VPS45: variants seen among roughly 807,000 people sequenced by gnomAD.
VPS45 encodes the protein vacuolar protein sorting-associated protein 45.
In VPS45, 35 loss-of-function variants were observed where a neutral mutation model predicts 75.9. The observed-to-expected ratio is 0.46, with a 90% CI of 0.35 to 0.61. The LOEUF (loss-of-function observed/expected upper bound fraction) is 0.61, where lower values mean the gene tolerates loss of function less well. Among genes scored for constraint, VPS45 ranks in the 20% least tolerant of loss-of-function variants. VPS45 has a pLI of 0.00. For synonymous variants in VPS45, 220 were observed against 238.2 expected (o/e 0.92, Z 0.70); for missense variants, 559 against 685.9 (o/e 0.81, Z 2.07).
In VPS45 at chr1:150,098,854, G is replaced by C. The variant is rs782410930; in HGVS notation, c.1493+5206G>C. ...AATTTTTTTTTCTCACTCTAGAATT[G>C]CCTCTTGTCTCTGATAAAGGCAAGC... On this transcript the variant is annotated intron_variant, in intron 13 of 14. Transcript: ENST00000644510. The C allele has an allele frequency of 2.4e-6, 3 of 1,274,688 alleles. No individual in the cohort carries two copies. In the South Asian group the frequency reaches 3.9e-5, roughly 16 times the overall value. The allele number at this position is 1,274,688 out of a possible 1,614,324, so 79.0% of individuals were successfully genotyped here. A position where few individuals can be genotyped will look rare whatever the true frequency, so the allele number is the denominator to read the frequency against.
At chr1:150,125,951 G>A (rs1658493357) in intron 14 of VPS45, among the ~76,000 whole-genome samples, 1 of 151,992 alleles carries the variant, frequency 6.6e-6, no homozygotes, top group South Asian at 2.1e-4. Flanking sequence ...CTCCCAAAGT[G>A]GTGGGATTAT....
At chr1:150,097,962 A>T (rs1490795222) in intron 13 of VPS45, among the ~76,000 whole-genome samples, 3 of 151,970 alleles carry the variant, frequency 2.0e-5, no homozygotes, top group Non-Finnish European at 4.4e-5. Context: ...AAGCCATCCC[A>T]CCTCATTCTC....
At chr1:150,095,470 T>C (rs1656570052) in intron 13 of VPS45, among the ~76,000 whole-genome samples, 1 of 152,066 alleles carries the variant, frequency 6.6e-6, no homozygotes, top group African/African-American at 2.4e-5. Context: ...AAAATTAGCC[T>C]GGCGTGGGTA....
In VPS45 at chr1:150,081,410, G is replaced by T. The variant is rs375831361; in HGVS notation, c.756G>T (p.Val252=). ...INNNRIDLSR[V]PGISKDLREV... Reference sequence around the variant, plus strand: ...ACAATCGGATTGATCTTTCCAGAGTGCCGGGAATCAGTAAAGACTTAAGAG... The same window carrying T: ...ACAATCGGATTGATCTTTCCAGAGTTCCGGGAATCAGTAAAGACTTAAGAG... The change falls in exon 8 of 15, where the codon GTG becomes GTT. Residue 252 remains valine, a synonymous_variant. Transcript: ENST00000644510. 164 of 1,608,668 alleles carry T rather than the reference G, an allele frequency of 1.0e-4. No homozygotes were observed. The highest frequency in any genetic ancestry group is 1.3e-4 in the Non-Finnish European group (152 of 1,178,484).
intron 14 of VPS45, among the ~76,000 whole-genome samples, chr1:150,136,567 C>CA (rs1659112571): frequency 6.6e-6 from 1 of 151,138 alleles, no homozygotes; most frequent in East Asian, 1.9e-4. Flanking sequence ...AACAAACAAA[C>CA]AAAAAAAATT....
At chr1:150,070,003 A>G (rs1201790014) in intron 2 of VPS45, among the ~76,000 whole-genome samples, 11 of 152,006 alleles carry the variant, frequency 7.2e-5, no homozygotes, top group Admixed American at 7.2e-4. Flanking sequence ...TCTGCATCTT[A>G]ATCACCCTAT....
intron 13 of VPS45, among the ~76,000 whole-genome samples, chr1:150,107,729 C>T (rs1299151361): frequency 1.3e-5 from 2 of 152,120 alleles, no homozygotes; most frequent in African/African-American, 4.8e-5. Flanking sequence ...GGTGAAACCT[C>T]GTCTCTATTA....
In VPS45 at chr1:150,093,623, T is replaced by G. The variant is rs1553802490; in HGVS notation, c.1468T>G (p.Leu490Val). The change falls in exon 13 of 15, where the codon TTA (leucine) becomes GTA (valine). Residue 490 changes from leucine to valine, a missense_variant. Leu to Val is a conservative substitution (Grantham distance 32). Coordinates refer to ENST00000644510, the MANE Select transcript of VPS45 (RefSeq NM_007259.5). ...GRLKENLYPY[L>V]GPSTLRDRPQ... ...GCTTAAGGAAAACCTATATCCTTAT[T>G]TAGGCCCCAGCACACTCAGAGACAG... 3 of 1,613,590 alleles carry G rather than the reference T, an allele frequency of 1.9e-6. No individual in the cohort carries two copies. The South Asian group carries it at 3.3e-5, about 18-fold the overall frequency.
At chr1:150,136,965 C>T (rs782149771) in intron 14 of VPS45, among the ~76,000 whole-genome samples, 1 of 152,132 alleles carries the variant, frequency 6.6e-6, no homozygotes, top group Non-Finnish European at 1.5e-5. Flanking sequence ...GTGGTGCCAT[C>T]TCGGCTCACT....
intron 14 of VPS45, among the ~76,000 whole-genome samples, chr1:150,115,984 A>G (rs1553808235): frequency 2.0e-5 from 3 of 152,192 alleles, no homozygotes; most frequent in Non-Finnish European, 4.4e-5. Flanking sequence ...ACCCTTAGCA[A>G]TTCCTCTCAC....
At chr1:150,137,220 G>A (rs1299929974) in intron 14 of VPS45, among the ~76,000 whole-genome samples, 1 of 152,094 alleles carries the variant, frequency 6.6e-6, no homozygotes, top group Non-Finnish European at 1.5e-5. Context: ...GATGTTGAAT[G>A]CCAACCTATT....
intron 14 of VPS45, among the ~76,000 whole-genome samples, chr1:150,131,176 C>G (rs111898754): frequency 0.016 from 2,441 of 152,164 alleles, 62 homozygotes; most frequent in African/African-American, 0.053. Context: ...TCACATCATG[C>G]CCGTGCCAAC....
At chr1:150,073,252 T>C (rs924364812) in intron 3 of VPS45, among the ~76,000 whole-genome samples, 6 of 152,164 alleles carry the variant, frequency 3.9e-5, no homozygotes, top group African/African-American at 7.2e-5. Flanking sequence ...TAACAGTAAG[T>C]AGGGCATTTG....
intron 14 of VPS45, among the ~76,000 whole-genome samples, chr1:150,111,778 G>A (rs1164150251): frequency 2.0e-5 from 3 of 152,076 alleles, no homozygotes. Context: ...GAAAGTACAA[G>A]GAGAAAAAAC....
intron 14 of VPS45, among the ~76,000 whole-genome samples, chr1:150,136,771 T>TA (rs59528326): frequency 0.43 from 51,971 of 121,606 alleles, 11,947 homozygotes; most frequent in Non-Finnish European, 0.52. Flanking sequence ...GAGCAAGATT[T>TA]AAAAAAAAAA....
At chr1:150,088,642 G>C (rs1408420387) in intron 10 of VPS45, among the ~76,000 whole-genome samples, 2 of 151,808 alleles carry the variant, frequency 1.3e-5, no homozygotes, top group Non-Finnish European at 2.9e-5. Context: ...GCCATGCCCA[G>C]CTAATTTTTG....
chr1:150,089,816 G>T (rs6694224), intron 10 of VPS45, among the ~76,000 whole-genome samples: 2,352 of 152,276 alleles, frequency 0.015, 58 homozygotes, highest in African/African-American at 0.054. Flanking sequence ...CTAGGGGAAA[G>T]ATCCCATGAA....
upstream of VPS45, chr1:150,067,489 C>G: frequency 4.2e-6 from 1 of 235,466 alleles, no homozygotes; most frequent in African/African-American, 2.2e-5. Flanking sequence ...AAACCTTGTG[C>G]CAGGTTCCTC....
At chr1:150,076,121 C>A in intron 3 of VPS45, 112 bp from the exon 4 acceptor site, 1 of 440,812 alleles carries the variant, frequency 2.3e-6, no homozygotes, top group Non-Finnish European at 3.9e-6. Context: ...ATTTTTGCTA[C>A]CCATTCCAAT....
Sources: gnomAD v4.1 joint callset for allele counts (sites outside exome capture counted in the v4.1 genomes callset) on GRCh38, gnomAD v4.1.1 for gene constraint, MANE v1.5 for transcripts, NCBI Gene and HGNC (gene_info 2026-07-23, HGNC 2026-07-21) for gene names.